The following TRPS1 variants were observed in gnomAD, a reference collection of about 807,000 sequenced individuals.
The protein encoded by TRPS1 is zinc finger transcription factor Trps1.
TRPS1 carries 6 observed loss-of-function variants against 101.2 expected under a neutral mutation model. That is an observed-to-expected ratio of 0.06 (90% CI 0.03 to 0.12). The LOEUF (loss-of-function observed/expected upper bound fraction) is 0.12. TRPS1 is among the 10% of genes least tolerant of loss of function. The pLI is 1.00. For missense variants in TRPS1, 1,363 were observed against 1,567.0 expected (o/e 0.87, Z 2.20); for synonymous variants, 578 against 589.8 (o/e 0.98, Z 0.29).
At chr8:115,471,216 T>G (rs1382391914) in intron 5 of TRPS1, among the ~76,000 whole-genome samples, 1 of 152,102 alleles carries the variant, frequency 6.6e-6, no homozygotes, top group Non-Finnish European at 1.5e-5. Flanking sequence ...TTTATAAAGA[T>G]CAGAGGTTTA....
At position 115,587,592 on chromosome 8, in the gene TRPS1, G is replaced by C; in HGVS notation, c.2109C>G (p.Ser703Arg). 6.2e-7 allele frequency: 1 copy of C among 1,614,152 alleles called. No homozygotes were observed. The highest frequency in any genetic ancestry group is 8.5e-7 in the Non-Finnish European group (1 of 1,180,024). The change falls in exon 5 of 7, where the codon AGC becomes AGG. Residue 703 changes from serine to arginine, a missense_variant. Coordinates refer to ENST00000395715, the MANE Select transcript of TRPS1 (RefSeq NM_014112.5). ...AACTGCACTGACGGCATTTGTAGCA[G>C]CTGTGTGCTCTCCTGGAGAAGAAGA... is the stretch of plus-strand genomic sequence containing the variant. Reference protein sequence around the residue: ...EISRHYRRAHSCYKCRQCSFT... With the variant: ...EISRHYRRAHRCYKCRQCSFT...
chr8:115,546,086 C>A (rs1198433176), intron 5 of TRPS1, among the ~76,000 whole-genome samples: 1 of 151,838 alleles, frequency 6.6e-6, no homozygotes, highest in Non-Finnish European at 1.5e-5. Flanking sequence ...CTTAAGCTAG[C>A]ATTATTTATA....
At chr8:115,547,780 T>TTC (rs2130327910) in intron 5 of TRPS1, among the ~76,000 whole-genome samples, 1 of 152,302 alleles carries the variant, frequency 6.6e-6, no homozygotes, top group African/African-American at 2.4e-5. Context: ...TACGCTGCAC[T>TTC]TATTTCGGTT....
intron 5 of TRPS1, among the ~76,000 whole-genome samples, chr8:115,495,757 C>A (rs1443762249): frequency 6.6e-6 from 1 of 151,718 alleles, no homozygotes. Flanking sequence ...CATAGGAAAA[C>A]ACATGGAATT....
chr8:115,535,500 T>TATATATAGCGCATATATATAGCGC (rs1305105276), intron 5 of TRPS1, among the ~76,000 whole-genome samples: 35 of 147,370 alleles, frequency 2.4e-4, no homozygotes, highest in Admixed American at 4.7e-4. Context: ...ATATATAGCA[T>TATATATAGCGCATATATATAGCGC]ATATATAGCG....
intron 5 of TRPS1, among the ~76,000 whole-genome samples, chr8:115,469,692 C>T (rs535586510): frequency 2.6e-5 from 4 of 152,194 alleles, no homozygotes; most frequent in African/African-American, 9.6e-5. Context: ...CCAAACCTGG[C>T]TAATTTTTGT....
chr8:115,617,861 T>C lies in TRPS1; in HGVS notation c.966+1271A>G, dbSNP rs140032120. ...ATTCTATCTGTGGAAAATCACAAAC[T>C]AAGATGGAATTTTTAGAGAACTTTA... On this transcript the variant is annotated intron_variant, in intron 3 of 6. Coordinates refer to ENST00000395715, the MANE Select transcript of TRPS1 (RefSeq NM_014112.5). Among the ~76,000 whole-genome samples the C allele has an allele frequency of 2.5e-3, 376 of 152,290 alleles. 3 individuals carry two copies. The highest frequency in any genetic ancestry group is 8.8e-3 in the African/African-American group (364 of 41,584).
chr8:115,587,702 C>T, intron 4 of TRPS1, 98 bp from the exon 5 acceptor site: 1 of 1,579,032 alleles, frequency 6.3e-7, no homozygotes, highest in South Asian at 1.1e-5. Context: ...CCTACTCATG[C>T]AATATAGTAG....
intron 5 of TRPS1, among the ~76,000 whole-genome samples, chr8:115,535,073 C>CAT (rs970649904): frequency 6.9e-6 from 1 of 144,188 alleles, no homozygotes; most frequent in Non-Finnish European, 1.5e-5. Context: ...TATATATAAG[C>CAT]ATATATATAG....
At position 115,611,561 on chromosome 8, in the gene TRPS1, C is replaced by T. The variant is rs530097952; in HGVS notation, c.967-6559G>A. 2.0e-5 allele frequency among the ~76,000 whole-genome samples: 3 copies of T among 152,208 alleles called. No individual in the cohort carries two copies. The East Asian group carries it at 5.8e-4, about 29-fold the overall frequency. Reference sequence around the variant, plus strand: ...TCCATGACAACACAGAGGAAGAGCCCCTAACCCAGACTGAGGAGTCAGCAA... The same window carrying T: ...TCCATGACAACACAGAGGAAGAGCCTCTAACCCAGACTGAGGAGTCAGCAA... On this transcript the variant is annotated intron_variant, in intron 3 of 6. Transcript: ENST00000395715.
At chr8:115,516,508 G>A (rs550426855) in intron 5 of TRPS1, among the ~76,000 whole-genome samples, 260 of 151,500 alleles carry the variant, frequency 1.7e-3, no homozygotes, top group Non-Finnish European at 3.1e-3. Context: ...GTTTGGATAC[G>A]GATGATACAT....
intron 5 of TRPS1, among the ~76,000 whole-genome samples, chr8:115,535,400 A>G (rs1377796087): frequency 2.7e-5 from 4 of 148,596 alleles, no homozygotes; most frequent in African/African-American, 9.8e-5. Context: ...TATAGCGCAT[A>G]TATATAGCAT....
intron 5 of TRPS1, among the ~76,000 whole-genome samples, chr8:115,516,474 C>T (rs1296793716): frequency 6.6e-6 from 1 of 151,480 alleles, no homozygotes; most frequent in Non-Finnish European, 1.5e-5. Flanking sequence ...TCAAAAAGCA[C>T]AAGTTGCCAT....
chr8:115,653,361 A>C (rs1384212975), intron 1 of TRPS1, among the ~76,000 whole-genome samples: 1 of 152,176 alleles, frequency 6.6e-6, no homozygotes, highest in Admixed American at 6.5e-5. Context: ...GAGGAAAAAA[A>C]CAGATGATTA....
At chr8:115,438,695 G>A (rs574355193) in intron 5 of TRPS1, among the ~76,000 whole-genome samples, 35 of 152,026 alleles carry the variant, frequency 2.3e-4, no homozygotes, top group South Asian at 1.0e-3. Context: ...TAACCTCATC[G>A]GCTTTGAGAT....
At chr8:115,649,591 C>G (rs570800642) in intron 1 of TRPS1, among the ~76,000 whole-genome samples, 97 of 152,326 alleles carry the variant, frequency 6.4e-4, no homozygotes, top group Non-Finnish European at 9.1e-4. Flanking sequence ...GAAGACGAAC[C>G]TCTTGGAACG....
At chr8:115,492,486 C>T (rs62512998) in intron 5 of TRPS1, among the ~76,000 whole-genome samples, 67 of 75,346 alleles carry the variant, frequency 8.9e-4, no homozygotes, top group African/African-American at 1.8e-3. Flanking sequence ...TGTGTGCGTG[C>T]GTGTGCGTGT....
chr8:115,556,451 C>T (rs1443941731), intron 5 of TRPS1, among the ~76,000 whole-genome samples: 2 of 152,134 alleles, frequency 1.3e-5, no homozygotes, highest in African/African-American at 4.8e-5. Flanking sequence ...TCGGAGTCAA[C>T]TGTACAGGTC....
chr8:115,629,026 A>G (rs1818577073), intron 1 of TRPS1, among the ~76,000 whole-genome samples: 1 of 151,862 alleles, frequency 6.6e-6, no homozygotes, highest in Admixed American at 6.6e-5. Flanking sequence ...TTTATGTCAC[A>G]TAGTGCCATT....
Sources: allele counts gnomAD v4.1 joint callset (sites outside exome capture counted in the v4.1 genomes callset), GRCh38; gene constraint gnomAD v4.1.1; transcripts MANE v1.5; gene names NCBI Gene and HGNC (gene_info 2026-07-23, HGNC 2026-07-21).